Variants in MACROD2 observed in about 807,000 individuals in gnomAD.
The protein encoded by MACROD2 is mono-ADP ribosylhydrolase 2, also known as ADP-ribose glycohydrolase MACROD2.
MACROD2 carries 36 observed loss-of-function variants against 70.4 expected under a neutral mutation model. The observed-to-expected ratio is 0.51, with a 90% CI of 0.39 to 0.68. MACROD2 has a LOEUF of 0.68. Among genes scored for constraint, MACROD2 ranks in the 30% least tolerant of loss-of-function variants. MACROD2 has a pLI of 0.00. For missense variants in MACROD2, 496 were observed against 538.4 expected (o/e 0.92, Z 0.78); for synonymous variants, 172 against 178.8 (o/e 0.96, Z 0.30).
chr20:14,753,304 A>C (rs2071898926), intron 5 of MACROD2, among the ~76,000 whole-genome samples: 2 of 152,046 alleles, frequency 1.3e-5, no homozygotes, highest in African/African-American at 4.8e-5. Flanking sequence ...CTGGACTGCA[A>C]GCTTGAGAAG....
At chr20:14,808,799 T>G (rs2072672263) in intron 5 of MACROD2, among the ~76,000 whole-genome samples, 1 of 149,148 alleles carries the variant, frequency 6.7e-6, no homozygotes, top group Non-Finnish European at 1.5e-5. Context: ...CAGTTTCTGA[T>G]AAAAGAGACT....
At chr20:14,056,677 C>T (rs537981212) in intron 2 of MACROD2, among the ~76,000 whole-genome samples, 1 of 151,840 alleles carries the variant, frequency 6.6e-6, no homozygotes, top group African/African-American at 2.4e-5. Context: ...ATAATATAAT[C>T]AGAGAATAAG....
chr20:14,687,568 G>A (rs2071016903), intron 5 of MACROD2, among the ~76,000 whole-genome samples: 2 of 152,132 alleles, frequency 1.3e-5, no homozygotes, highest in African/African-American at 2.4e-5. Context: ...TGGGCATCCT[G>A]GGGCAAATGG....
intron 3 of MACROD2, among the ~76,000 whole-genome samples, chr20:14,282,925 G>A (rs2082317678): frequency 1.3e-5 from 2 of 152,188 alleles, no homozygotes; most frequent in Admixed American, 1.3e-4. Flanking sequence ...TTCACCATGA[G>A]ATTTGGGTGG....
chr20:14,249,330 T>C (rs998785487), intron 3 of MACROD2, among the ~76,000 whole-genome samples: 4 of 151,848 alleles, frequency 2.6e-5, no homozygotes, highest in Non-Finnish European at 4.4e-5. Context: ...AAGAGTGATA[T>C]GGAAAAGTGA....
rs745717510 is a variant in MACROD2, at chr20:15,444,812, TGAGGTTAATAATGTAAA to T, written c.571+13378_571+13394del. On this transcript the variant is annotated intron_variant, in intron 7 of 17. Transcript: ENST00000684519. Reference sequence around the variant, plus strand: ...GTATAATTATTGAGGTTTTTTAGTATGAGGTTAATAATGTAAAATGAGGTTAATAATGAGGTTCATAT... The same window carrying T: ...GTATAATTATTGAGGTTTTTTAGTATATGAGGTTAATAATGAGGTTCATAT... 3.3e-3 allele frequency among the ~76,000 whole-genome samples: 505 copies of T among 152,198 alleles called. 2 individuals carry two copies. Among genetic ancestry groups the T allele is most frequent in the Non-Finnish European group, 5.3e-3 (357 of 68,000 alleles).
At chr20:14,780,503 A>G (rs1400227796) in intron 5 of MACROD2, among the ~76,000 whole-genome samples, 5 of 150,604 alleles carry the variant, frequency 3.3e-5, no homozygotes, top group African/African-American at 1.2e-4. Flanking sequence ...CGGAGGTTGC[A>G]GTGAGCAGAG....
chr20:15,591,586 T>TAAGAAAAA, intron 8 of MACROD2, among the ~76,000 whole-genome samples: 1 of 65,112 alleles, frequency 1.5e-5, no homozygotes, highest in Non-Finnish European at 2.6e-5. Flanking sequence ...AAGCCAGTAC[T>TAAGAAAAA]AAAAAAAAAA....
At chr20:15,989,541 G>T (rs2066529889) in intron 15 of MACROD2, among the ~76,000 whole-genome samples, 1 of 152,040 alleles carries the variant, frequency 6.6e-6, no homozygotes, top group Non-Finnish European at 1.5e-5. Context: ...GCTGTTGATA[G>T]ATCCACAAAA....
chr20:14,929,767 A>C (rs927586957), intron 5 of MACROD2, among the ~76,000 whole-genome samples: 4 of 152,088 alleles, frequency 2.6e-5, no homozygotes, highest in African/African-American at 9.7e-5. Context: ...AGAGTAACAG[A>C]AGATGCTCTT....
At chr20:15,499,532 A>T (rs529853741) in intron 7 of MACROD2, among the ~76,000 whole-genome samples, 1 of 152,290 alleles carries the variant, frequency 6.6e-6, no homozygotes, top group East Asian at 1.9e-4. Flanking sequence ...AAGATTAGAG[A>T]CACAATTAAA....
In MACROD2 at chr20:16,051,211, T is replaced by TC. The variant is rs2067454519; in HGVS notation, c.*1337dup. The TC allele has an allele frequency of 6.6e-6, 1 of 152,202 alleles. No individual in the cohort carries two copies. The highest frequency in any genetic ancestry group is 6.5e-5 in the Admixed American group (1 of 15,276). 9.4% of individuals were successfully genotyped at this position (152,202 alleles called of 1,614,324 possible). ...GTTGCATATCTTCTTAAATCCATCT[T>TC]CCTTGTAAGGGCTTTAGAACTAAAA... On this transcript the variant is annotated 3_prime_UTR_variant, in exon 18 of 18. Coordinates refer to ENST00000684519, the MANE Select transcript of MACROD2 (RefSeq NM_001351661.2).
At chr20:14,397,893 A>C (rs1006557623) in intron 3 of MACROD2, among the ~76,000 whole-genome samples, 1 of 152,042 alleles carries the variant, frequency 6.6e-6, no homozygotes, top group African/African-American at 2.4e-5. Context: ...TCCCTGCTAC[A>C]TTTCCCAGCC....
intron 4 of MACROD2, among the ~76,000 whole-genome samples, chr20:14,618,287 T>G (rs1229814752): frequency 2.6e-5 from 4 of 152,144 alleles, no homozygotes; most frequent in Non-Finnish European, 5.9e-5. Flanking sequence ...TAGCTATACC[T>G]TATCTTGTTT....
intron 8 of MACROD2, among the ~76,000 whole-genome samples, chr20:15,682,200 G>A (rs1302800641): frequency 1.3e-5 from 2 of 152,174 alleles, no homozygotes; most frequent in Non-Finnish European, 2.9e-5. Flanking sequence ...GCAGAGCTAA[G>A]TTCTGAGGTA....
intron 3 of MACROD2, among the ~76,000 whole-genome samples, chr20:14,384,840 TATACTTTAGAGTGCTTGGA>T (rs2083454691): frequency 6.6e-6 from 1 of 152,164 alleles, no homozygotes; most frequent in Non-Finnish European, 1.5e-5. Context: ...TTCCATCTGA[TATACTTTAGAGTGCTTGGA>T]ATTCTTTGGT....
chr20:14,219,693 T>C (rs970539982), intron 3 of MACROD2, among the ~76,000 whole-genome samples: 3 of 152,212 alleles, frequency 2.0e-5, no homozygotes, highest in African/African-American at 7.2e-5. Context: ...AAGGCTGTTG[T>C]TCAGATTCTT....
chr20:15,407,288 C>T (rs562474141), intron 6 of MACROD2, among the ~76,000 whole-genome samples: 44 of 152,228 alleles, frequency 2.9e-4, no homozygotes, highest in South Asian at 1.0e-3. Context: ...TGGGTAAACA[C>T]CCTTGCTAAA....
intron 5 of MACROD2, among the ~76,000 whole-genome samples, chr20:14,741,238 A>G (rs953705885): frequency 7.9e-5 from 12 of 152,182 alleles, no homozygotes; most frequent in African/African-American, 2.9e-4. Context: ...CACATACACA[A>G]CTTGATTTAG....
Sources: allele counts gnomAD v4.1 joint callset (sites outside exome capture counted in the v4.1 genomes callset), GRCh38; gene constraint gnomAD v4.1.1; transcripts MANE v1.5; gene names NCBI Gene and HGNC (gene_info 2026-07-23, HGNC 2026-07-21).